The following OSBPL10 variants were observed in gnomAD, a reference collection of about 807,000 sequenced individuals.
OSBPL10 encodes the protein oxysterol-binding protein-related protein 10.
Under a neutral mutation model 81.7 loss-of-function variants are expected in OSBPL10, and 49 were observed. That is an observed-to-expected ratio of 0.60 (90% CI 0.48 to 0.76). The LOEUF (loss-of-function observed/expected upper bound fraction) is 0.76, where lower values mean the gene tolerates loss of function less well. OSBPL10 is among the 30% of genes least tolerant of loss of function. The probability of loss-of-function intolerance (pLI) is 0.00; values close to 1 mark genes in which losing one functional copy is unlikely to be tolerated. For missense variants in OSBPL10, 923 were observed against 987.8 expected, an observed-to-expected ratio of 0.93 and a Z score of 0.88; for synonymous variants, 419 against 383.6, an observed-to-expected ratio of 1.09 and a Z score of -1.08.
intron 1 of OSBPL10, among the ~76,000 whole-genome samples, chr3:31,970,466 A>G (rs1698527810): frequency 6.6e-6 from 1 of 152,264 alleles, no homozygotes; most frequent in Non-Finnish European, 1.5e-5. Context: ...AGAAGGTTCC[A>G]GGAAATTACT....
rs201447115 is a variant in OSBPL10 at position 31,980,013 on chromosome 3, TA to T, written c.281+885del. On this transcript the variant is annotated intron_variant, in intron 1 of 11. Coordinates refer to ENST00000396556, the MANE Select transcript of OSBPL10 (RefSeq NM_017784.5). ...TTTATTTTATTTTATTTTATTTATTTATTTTTTTTGAGTCGGAGTCTCGCAC... is the reference window on the plus strand; with the variant it reads ...TTTATTTTATTTTATTTTATTTATTTTTTTTTTTGAGTCGGAGTCTCGCAC... Among the ~76,000 whole-genome samples the T allele has an allele frequency of 7.7e-3, 1,162 of 150,682 alleles. 11 individuals are homozygous for T. Among genetic ancestry groups the T allele is most frequent in the African/African-American group, 0.025 (1,052 of 41,294 alleles).
chr3:32,051,987 C>T (rs375049720), intron 1 of OSBPL10, among the ~76,000 whole-genome samples: 98 of 152,160 alleles, frequency 6.4e-4, no homozygotes, highest in African/African-American at 2.3e-3. Flanking sequence ...GTGGCTCATG[C>T]TTGTAATCTC....
intron 4 of OSBPL10, among the ~76,000 whole-genome samples, chr3:31,827,834 A>G (rs1358179743): frequency 6.6e-6 from 1 of 152,190 alleles, no homozygotes; most frequent in East Asian, 1.9e-4. Context: ...GAATTTATAT[A>G]AATAAAACTT....
intron 4 of OSBPL10, among the ~76,000 whole-genome samples, chr3:31,805,611 C>T (rs1210263097): frequency 6.6e-6 from 1 of 152,186 alleles, no homozygotes; most frequent in Non-Finnish European, 1.5e-5. Context: ...ATAGGTAAGA[C>T]ATAAAGTGAA....
chr3:32,021,272 G>GT (rs1234090991), intron 2 of OSBPL10, among the ~76,000 whole-genome samples: 2 of 152,176 alleles, frequency 1.3e-5, no homozygotes, highest in African/African-American at 4.8e-5. Context: ...AAATACAAAA[G>GT]TGTGGGTATT....
chr3:32,074,903 C>A (rs2125452938), intron 1 of OSBPL10, among the ~76,000 whole-genome samples: 1 of 152,310 alleles, frequency 6.6e-6, no homozygotes, highest in South Asian at 2.1e-4. Flanking sequence ...CCTACATGTG[C>A]CTACCTGCCA....
chr3:32,071,463 C>T (rs531891101), intron 1 of OSBPL10, among the ~76,000 whole-genome samples: 1 of 141,242 alleles, frequency 7.1e-6, no homozygotes, highest in African/African-American at 2.6e-5. Flanking sequence ...CTCATCCCAA[C>T]CCTTTTCATT....
intron 1 of OSBPL10, among the ~76,000 whole-genome samples, chr3:31,913,551 G>A (rs1696655460): frequency 6.6e-6 from 1 of 151,920 alleles, no homozygotes; most frequent in African/African-American, 2.4e-5. Flanking sequence ...CCCGGCCCAA[G>A]TACTAGTTTT....
intron 1 of OSBPL10, among the ~76,000 whole-genome samples, chr3:31,978,995 A>T (rs551133711): frequency 3.3e-5 from 5 of 152,348 alleles, no homozygotes; most frequent in African/African-American, 1.2e-4. Context: ...GCAAGTAAAT[A>T]ATAAAATAAC....
At chr3:31,805,649 TAAAA>T (rs1559472756) in intron 4 of OSBPL10, among the ~76,000 whole-genome samples, 1 of 152,146 alleles carries the variant, frequency 6.6e-6, no homozygotes, top group Non-Finnish European at 1.5e-5. Context: ...CAAAGCACCT[TAAAA>T]TAGCAAATAA....
intron 6 of OSBPL10, among the ~76,000 whole-genome samples, chr3:31,722,858 T>C (rs916937490): frequency 2.0e-5 from 3 of 152,148 alleles, no homozygotes; most frequent in African/African-American, 7.2e-5. Flanking sequence ...TTGATACTCT[T>C]ACAATATTAA....
chr3:31,684,966 CAG>C (rs1431296085), intron 7 of OSBPL10, among the ~76,000 whole-genome samples: 2 of 152,178 alleles, frequency 1.3e-5, no homozygotes, highest in Non-Finnish European at 2.9e-5. Flanking sequence ...AGAGATAAGA[CAG>C]AGACTCCTCA....
intron 1 of OSBPL10, among the ~76,000 whole-genome samples, chr3:31,911,868 C>A (rs1382311350): frequency 2.6e-5 from 4 of 152,080 alleles, no homozygotes; most frequent in Non-Finnish European, 5.9e-5. Flanking sequence ...GCAAGTCTTG[C>A]TTATGAATAA....
Position 31,830,025 on chromosome 3 carries a change from G to A in OSBPL10, c.729+15C>T. On this transcript the variant is annotated intron_variant, in intron 4 of 11. Coordinates refer to ENST00000396556, the MANE Select transcript of OSBPL10 (RefSeq NM_017784.5). ...TCCCCGGGGCTGCTTAACCTAGTAGGAGAGCAAAGCCTACCTCTCTGACTT... is the reference window on the plus strand; with the variant it reads ...TCCCCGGGGCTGCTTAACCTAGTAGAAGAGCAAAGCCTACCTCTCTGACTT... 2 of 1,606,800 alleles carry A rather than the reference G, an allele frequency of 1.2e-6. No individual in the cohort carries two copies. The highest frequency in any genetic ancestry group is 1.7e-6 in the Non-Finnish European group (2 of 1,177,052).
intron 3 of OSBPL10, among the ~76,000 whole-genome samples, chr3:31,834,930 A>G (rs1350618829): frequency 6.6e-6 from 1 of 152,198 alleles, no homozygotes; most frequent in Admixed American, 6.5e-5. Flanking sequence ...CTAAAGTTTA[A>G]TATTACCTAC....
chr3:31,950,590 G>A (rs964834198), intron 1 of OSBPL10, among the ~76,000 whole-genome samples: 2 of 152,188 alleles, frequency 1.3e-5, no homozygotes, highest in Non-Finnish European at 2.9e-5. Flanking sequence ...CTGAAGCCCA[G>A]TGGATATAGT....
At chr3:32,006,210 T>C (rs1045879923) in intron 2 of OSBPL10, among the ~76,000 whole-genome samples, 5 of 152,310 alleles carry the variant, frequency 3.3e-5, no homozygotes, top group Admixed American at 1.3e-4. Flanking sequence ...CCTCTCAAAG[T>C]GCTGGGATTA....
At chr3:31,671,975 C>CA (rs768183774) in intron 8 of OSBPL10, among the ~76,000 whole-genome samples, 14 of 152,112 alleles carry the variant, frequency 9.2e-5, no homozygotes, top group Non-Finnish European at 1.5e-4. Context: ...CCTAGAGATG[C>CA]ATATTCTTGG....
At chr3:31,818,055 A>T (rs1451370806) in intron 4 of OSBPL10, among the ~76,000 whole-genome samples, 3 of 152,180 alleles carry the variant, frequency 2.0e-5, no homozygotes, top group African/African-American at 7.2e-5. Flanking sequence ...GCAGTGAGCC[A>T]GGATCGTGCC....
Sources: allele counts gnomAD v4.1 joint callset (sites outside exome capture counted in the v4.1 genomes callset), GRCh38; gene constraint gnomAD v4.1.1; transcripts MANE v1.5; gene names NCBI Gene and HGNC (gene_info 2026-07-23, HGNC 2026-07-21).